The following LDLRAD4 variants were observed in gnomAD, a reference collection of about 807,000 sequenced individuals.
LDLRAD4 encodes low-density lipoprotein receptor class A domain-containing protein 4.
Under a neutral mutation model 17.0 loss-of-function variants are expected in LDLRAD4, and 5 were observed. The observed-to-expected ratio is 0.29, with a 90% CI of 0.15 to 0.62. The LOEUF is 0.62. LDLRAD4 is among the 20% of genes least tolerant of loss of function. The probability of loss-of-function intolerance (pLI) is 0.84; values close to 1 mark genes in which losing one functional copy is unlikely to be tolerated. For synonymous variants in LDLRAD4, 168 were observed against 171.8 expected, an observed-to-expected ratio of 0.98 and a Z score of 0.17; for missense variants, 340 against 424.7, an observed-to-expected ratio of 0.80 and a Z score of 1.75.
chr18:13,401,609 G>A (rs904902998), intron 2 of LDLRAD4, among the ~76,000 whole-genome samples: 4 of 152,174 alleles, frequency 2.6e-5, no homozygotes, highest in Non-Finnish European at 5.9e-5. Context: ...CCCGTGCTCA[G>A]GTCTGGACAG....
intron 1 of LDLRAD4, among the ~76,000 whole-genome samples, chr18:13,335,231 G>T (rs1360827122): frequency 6.6e-6 from 1 of 152,050 alleles, no homozygotes; most frequent in Non-Finnish European, 1.5e-5. Context: ...TTCGTTAGAG[G>T]GAAGCTTCTA....
At chr18:13,523,119 T>C (rs2093978471) in intron 3 of LDLRAD4, among the ~76,000 whole-genome samples, 1 of 152,162 alleles carries the variant, frequency 6.6e-6, no homozygotes, top group African/African-American at 2.4e-5. Flanking sequence ...TCTGAGACCA[T>C]CCCCAAGACC....
intron 1 of LDLRAD4, among the ~76,000 whole-genome samples, chr18:13,316,788 C>T (rs902254970): frequency 1.3e-5 from 2 of 152,090 alleles, no homozygotes; most frequent in Non-Finnish European, 2.9e-5. Context: ...ATGCATGATG[C>T]ATGTGGTGAC....
chr18:13,615,314 A>G (rs2039976360), intron 3 of LDLRAD4: 2 of 152,198 alleles, frequency 1.3e-5, no homozygotes, highest in Non-Finnish European at 2.9e-5. Context: ...GGCATACATA[A>G]CACATCTGGA....
At chr18:13,260,787 T>C (rs903072608) in intron 1 of LDLRAD4, among the ~76,000 whole-genome samples, 1 of 152,234 alleles carries the variant, frequency 6.6e-6, no homozygotes, top group African/African-American at 2.4e-5. Context: ...TTCCGGTGAC[T>C]ACCATGGTGT....
chr18:13,591,136 GT>G (rs892452071), intron 3 of LDLRAD4, among the ~76,000 whole-genome samples: 9 of 152,184 alleles, frequency 5.9e-5, no homozygotes, highest in Non-Finnish European at 1.5e-5. Context: ...CTTGTGCTCA[GT>G]TTGCTTGCTG....
At chr18:13,352,787 A>G (rs1418287163) in intron 1 of LDLRAD4, among the ~76,000 whole-genome samples, 1 of 149,366 alleles carries the variant, frequency 6.7e-6, no homozygotes, top group Non-Finnish European at 1.5e-5. Context: ...TTTTCTTTCT[A>G]CCTCTCAGAT....
intron 1 of LDLRAD4, among the ~76,000 whole-genome samples, chr18:13,321,861 C>CAAAAAAAAAAAAAAAAAAAAA (rs57033432): frequency 5.0e-4 from 31 of 62,138 alleles, no homozygotes; most frequent in South Asian, 1.0e-3. Flanking sequence ...GACTCCGTCT[C>CAAAAAAAAAAAAAAAAAAAAA]AAAAAAAAAA....
intron 3 of LDLRAD4, among the ~76,000 whole-genome samples, chr18:13,463,629 T>C (rs1202070197): frequency 6.6e-6 from 1 of 152,214 alleles, no homozygotes; most frequent in Non-Finnish European, 1.5e-5. Context: ...TTCTGATACT[T>C]ATTTCTAATT....
intron 2 of LDLRAD4, among the ~76,000 whole-genome samples, chr18:13,425,605 T>G (rs11660814): frequency 0.35 from 53,873 of 152,032 alleles, 11,504 homozygotes; most frequent in Non-Finnish European, 0.47. Flanking sequence ...CAGGTAGATG[T>G]GGCCATCCCT....
At chr18:13,447,234 T>C (rs946589243) in intron 3 of LDLRAD4, among the ~76,000 whole-genome samples, 3 of 151,020 alleles carry the variant, frequency 2.0e-5, no homozygotes, top group Admixed American at 1.3e-4. Flanking sequence ...AATATGCCTC[T>C]CTCTGGGTTC....
At chr18:13,527,905 A>G (rs562628703) in intron 3 of LDLRAD4, among the ~76,000 whole-genome samples, 1 of 152,046 alleles carries the variant, frequency 6.6e-6, no homozygotes, top group Non-Finnish European at 1.5e-5. Context: ...CGCCATGGAC[A>G]CCCATTCTCA....
At chr18:13,255,561 A>G (rs2043458734) in intron 1 of LDLRAD4, among the ~76,000 whole-genome samples, 1 of 152,214 alleles carries the variant, frequency 6.6e-6, no homozygotes, top group African/African-American at 2.4e-5. Context: ...GTGATTTCCC[A>G]TAGGGCCCAG....
intron 3 of LDLRAD4, among the ~76,000 whole-genome samples, chr18:13,605,450 T>C (rs1327297588): frequency 6.6e-6 from 1 of 152,234 alleles, no homozygotes; most frequent in Non-Finnish European, 1.5e-5. Flanking sequence ...ACTCCTGGCC[T>C]CAAGCAGTCC....
chr18:13,613,085 A>G, intron 3 of LDLRAD4: 1 of 223,736 alleles, frequency 4.5e-6, no homozygotes, highest in African/African-American at 2.3e-5. Context: ...TATAAGGCTG[A>G]GACCTCCCCT....
At chr18:13,522,014 C>T (rs1272587252) in intron 3 of LDLRAD4, 1 of 151,614 alleles carries the variant, frequency 6.6e-6, no homozygotes, top group Admixed American at 6.6e-5. Context: ...TGAAGTAATT[C>T]ACGTGAAGCT....
At chr18:13,301,176 G>A (rs1006929727) in intron 1 of LDLRAD4, among the ~76,000 whole-genome samples, 1 of 152,188 alleles carries the variant, frequency 6.6e-6, no homozygotes, top group Admixed American at 6.5e-5. Context: ...GAGCCTCAGT[G>A]TACCTTTAGC....
At position 13,643,333 on chromosome 18, in the gene LDLRAD4, A is replaced by C. The variant is rs566724925; in HGVS notation, c.337-26A>C. 1.1e-4 allele frequency: 158 copies of C among 1,443,138 alleles called. No homozygotes were observed. The East Asian group carries it at 2.2e-3, about 20-fold the overall frequency. The allele number at this position is 1,443,138 out of a possible 1,614,324, so 89.4% of individuals were successfully genotyped here. The stretch of plus-strand genomic sequence containing the variant: ...TTTTCCTCTGTTTCTTGTTCCCCCC[A>C]CTCTCCTCCCCTTCCCCTCCGCCAG... On this transcript the variant is annotated intron_variant, in intron 4 of 5. Coordinates refer to ENST00000359446, the Ensembl canonical transcript of LDLRAD4.
At chr18:13,500,473 C>T (rs932044726) in intron 3 of LDLRAD4, among the ~76,000 whole-genome samples, 4 of 152,234 alleles carry the variant, frequency 2.6e-5, no homozygotes, top group Admixed American at 1.3e-4. Flanking sequence ...CATGCTTTCC[C>T]GCCCCTCCTG....
Sources: gnomAD v4.1 joint callset for allele counts (sites outside exome capture counted in the v4.1 genomes callset) on GRCh38, gnomAD v4.1.1 for gene constraint, MANE v1.5 for transcripts, NCBI Gene and HGNC (gene_info 2026-07-23, HGNC 2026-07-21) for gene names.